The following VPS33B variants were observed in gnomAD, a reference collection of about 807,000 sequenced individuals.
VPS33B encodes vacuolar protein sorting-associated protein 33B.
Under a neutral mutation model 95.3 loss-of-function variants are expected in VPS33B, and 80 were observed. That is an observed-to-expected ratio of 0.84 (90% CI 0.70 to 1.01). The LOEUF is 1.01. Among genes scored for constraint, VPS33B ranks in the 50% least tolerant of loss-of-function variants. The pLI is 0.00. For missense variants in VPS33B, 715 were observed against 773.4 expected, an observed-to-expected ratio of 0.92 and a Z score of 0.90; for synonymous variants, 280 against 280.4, an observed-to-expected ratio of 1.00 and a Z score of 0.01.
chr15:91,006,736 C>G lies in VPS33B; in HGVS notation c.701-7G>C, dbSNP rs1203184694. On this transcript the variant is annotated splice_polypyrimidine_tract_variant and splice_region_variant and intron_variant, in intron 9 of 22. Transcript: ENST00000333371. This position sits in a 1 kb window ranked among gnomAD's most constrained non-coding sequence, Gnocchi z 5.4. ...GCTGTCACAAAGTCCACATCTGAAA[C>G]AGAGATCCCTGACCATGAAGGTTCT... 3 of 1,614,048 alleles carry G rather than the reference C, an allele frequency of 1.9e-6. No individual in the cohort carries two copies. The African/African-American group carries it at 4.0e-5, about 22-fold the overall frequency.
chr15:91,001,911 A>G lies in VPS33B; in HGVS notation c.1405+139T>C. The G allele has an allele frequency of 4.4e-6, 6 of 1,351,700 alleles. 1 individual carries two copies. Among genetic ancestry groups the G allele is most frequent in the South Asian group, 3.7e-5 (3 of 80,620 alleles). The allele number at this position is 1,351,700 out of a possible 1,614,324, so 83.7% of individuals were successfully genotyped here. On this transcript the variant is annotated intron_variant, in intron 18 of 22. Coordinates refer to ENST00000333371, the MANE Select transcript of VPS33B (RefSeq NM_018668.5). ...GGAAACTGCTCTTACTAGCAGAAGT[A>G]GTAGTAATAATAGTAATGACATTAA... is the stretch of plus-strand genomic sequence containing the variant.
rs1361518141 is a variant in VPS33B, at chr15:91,009,685, A to G, written c.403+116T>C. 16 of 1,090,688 alleles carry G rather than the reference A, an allele frequency of 1.5e-5. No homozygotes were observed. The allele number at this position is 1,090,688 out of a possible 1,614,324, so 67.6% of individuals were successfully genotyped here. A position where few individuals can be genotyped will look rare whatever the true frequency, so the allele number is the denominator to read the frequency against. On this transcript the variant is annotated intron_variant, in intron 6 of 22. Transcript: ENST00000333371. This position sits in a 1 kb window ranked among gnomAD's most constrained non-coding sequence, Gnocchi z 4.1. ...TCCTCCTGCTACACTAACAGGAATA[A>G]GACCAGGAAAAGAAGGAGCTGGTGG...
At position 91,010,552 on chromosome 15, in the gene VPS33B, G is replaced by T. The variant is rs1191827598; in HGVS notation, c.358-706C>A. Among the ~76,000 whole-genome samples the T allele has an allele frequency of 6.6e-6, 1 of 152,192 alleles. No individual in the cohort carries two copies. The highest frequency in any genetic ancestry group is 1.5e-5 in the Non-Finnish European group (1 of 68,048). ...GGAGGTCAAGGCTGCACTGAGCTGAGATTGTGCCACTGCACTCCAGCCTGG... is the reference window on the plus strand; with the variant it reads ...GGAGGTCAAGGCTGCACTGAGCTGATATTGTGCCACTGCACTCCAGCCTGG... On this transcript the variant is annotated intron_variant, in intron 5 of 22. Coordinates refer to ENST00000333371, the MANE Select transcript of VPS33B (RefSeq NM_018668.5). This position sits in a 1 kb window ranked among gnomAD's most constrained non-coding sequence, Gnocchi z 5.7.
At position 91,005,121 on chromosome 15, in the gene VPS33B, TGTGA is replaced by T. The variant is rs1284568296; in HGVS notation, c.1106-6_1106-3del. 6 of 1,614,068 alleles carry T rather than the reference TGTGA, an allele frequency of 3.7e-6. No individual in the cohort carries two copies. The African/African-American group carries it at 6.7e-5, about 18-fold the overall frequency. On this transcript the variant is annotated splice_region_variant and splice_polypyrimidine_tract_variant and intron_variant, in intron 14 of 22. Coordinates refer to ENST00000333371, the MANE Select transcript of VPS33B (RefSeq NM_018668.5). The surrounding 1 kb of genome is among the most constrained non-coding windows in gnomAD (Gnocchi z 6.4). ...GGATGTTGAACCCCTCTAGCAGTGC[TGTGA>T]GTAATCAGAGGAGAGCCTGTTACTG...
At position 91,013,027 on chromosome 15, in the gene VPS33B, C is replaced by G. The variant is rs77541728; in HGVS notation, c.357+777G>C. Among the ~76,000 whole-genome samples, 1,579 of 152,166 alleles carry G rather than the reference C, an allele frequency of 0.01. 27 individuals are homozygous for G. The highest frequency in any genetic ancestry group is 0.034 in the African/African-American group (1,418 of 41,476). On this transcript the variant is annotated intron_variant, in intron 5 of 22. Coordinates refer to ENST00000333371, the MANE Select transcript of VPS33B (RefSeq NM_018668.5). The surrounding 1 kb of genome is among the most constrained non-coding windows in gnomAD (Gnocchi z 4.5). ...CCCAGCCACATCCTTATAAGCATAG[C>G]GGATGGGAAGAGGGAGGGTGATGAT...
chr15:91,005,882 C>G lies in VPS33B; in HGVS notation c.939+91G>C. The stretch of plus-strand genomic sequence containing the variant: ...TCCATCCATGAGAAAGGACAGGGAA[C>G]CTGTCATAGTATTAGAAGGGGAGCC... On this transcript the variant is annotated intron_variant, in intron 12 of 22. Transcript: ENST00000333371. This position sits in a 1 kb window ranked among gnomAD's most constrained non-coding sequence, Gnocchi z 6.4. The G allele has an allele frequency of 1.2e-6, 2 of 1,606,350 alleles. No homozygotes were observed. The highest frequency in any genetic ancestry group is 1.7e-6 in the Non-Finnish European group (2 of 1,173,930).
rs1596362182 is a variant in VPS33B, at chr15:91,010,444, A to G, written c.358-598T>C. On this transcript the variant is annotated intron_variant, in intron 5 of 22. Transcript: ENST00000333371. This position sits in a 1 kb window ranked among gnomAD's most constrained non-coding sequence, Gnocchi z 5.7. ...AGTGACACCCCATCTCTACAAAACA[A>G]TGCAAAAATTAGCTGGGCATGGTGG... is the stretch of plus-strand genomic sequence containing the variant. Among the ~76,000 whole-genome samples the G allele has an allele frequency of 6.6e-6, 1 of 152,122 alleles. No individual in the cohort carries two copies. Among genetic ancestry groups the G allele is most frequent in the South Asian group, 2.1e-4 (1 of 4,820 alleles).
chr15:91,005,336 AAGT>A lies in VPS33B; in HGVS notation c.1105+41_1105+43del. The A allele has an allele frequency of 6.2e-7, 1 of 1,614,088 alleles. No individual in the cohort carries two copies. Among genetic ancestry groups the A allele is most frequent in the Non-Finnish European group, 8.5e-7 (1 of 1,180,016 alleles). ...GGTGGGACGGGGCTGGGAGCTGGGGAAGTAGAAGCGTGGGCAGTAGCACAGCAA... is the reference window on the plus strand; with the variant it reads ...GGTGGGACGGGGCTGGGAGCTGGGGAAGAAGCGTGGGCAGTAGCACAGCAA... On this transcript the variant is annotated intron_variant, in intron 14 of 22. Transcript: ENST00000333371. This position sits in a 1 kb window ranked among gnomAD's most constrained non-coding sequence, Gnocchi z 6.4.
At position 91,018,814 on chromosome 15, in the gene VPS33B, G is replaced by C. The variant is rs1240878150; in HGVS notation, c.97-929C>G. Among the ~76,000 whole-genome samples, 8 of 151,990 alleles carry C rather than the reference G, an allele frequency of 5.3e-5. No individual in the cohort carries two copies. The highest frequency in any genetic ancestry group is 1.2e-4 in the Non-Finnish European group (8 of 67,974). On this transcript the variant is annotated intron_variant, in intron 1 of 22. Transcript: ENST00000333371. The surrounding 1 kb of genome is among the most constrained non-coding windows in gnomAD (Gnocchi z 4.7). ...TTTTTTAAATCTTATTTGTTGTTTT[G>C]TTTTGTTTGTTTGTTTTTTGAGATG...
chr15:91,001,050 T>C, intron 19 of VPS33B: 1 of 368,456 alleles, frequency 2.7e-6, no homozygotes, highest in African/African-American at 2.1e-5. Context: ...GCGCAGTGGC[T>C]CATGCCTGTA....
chr15:91,009,679 G>A lies in VPS33B; in HGVS notation c.403+122C>T. On this transcript the variant is annotated intron_variant, in intron 6 of 22. Transcript: ENST00000333371. The surrounding 1 kb of genome is among the most constrained non-coding windows in gnomAD (Gnocchi z 4.1). ...AACCTCTCCTCCTGCTACACTAACA[G>A]GAATAAGACCAGGAAAAGAAGGAGC... is the stretch of plus-strand genomic sequence containing the variant. The A allele has an allele frequency of 9.8e-7, 1 of 1,025,438 alleles. No homozygotes were observed. The highest frequency in any genetic ancestry group is 1.4e-5 in the South Asian group (1 of 71,736). The allele number at this position is 1,025,438 out of a possible 1,614,324, so 63.5% of individuals were successfully genotyped here. A position where few individuals can be genotyped will look rare whatever the true frequency, so the allele number is the denominator to read the frequency against.
intron 1 of VPS33B, among the ~76,000 whole-genome samples, chr15:91,020,163 G>A (rs2041062686): frequency 6.6e-6 from 1 of 152,058 alleles, no homozygotes; most frequent in Non-Finnish European, 1.5e-5. Flanking sequence ...TATAACTTAT[G>A]GTAGGGCTAT....
In VPS33B at chr15:91,017,370, ATATATATATATATATATATATATAT is replaced by A. The variant is rs2040965960; in HGVS notation, c.178-371_178-347del. On this transcript the variant is annotated intron_variant, in intron 2 of 22. Transcript: ENST00000333371. ...AGACTCCATCTCTACAAAATTAAAT[ATATATATATATATATATATATATAT>A]ATATATATATATATATATATATATA... Among the ~76,000 whole-genome samples, 11 of 26,960 alleles carry A rather than the reference ATATATATATATATATATATATATAT, an allele frequency of 4.1e-4. 2 individuals carry two copies. The highest frequency in any genetic ancestry group is 1.5e-3 in the Admixed American group (3 of 2,056). 17.7% of individuals were successfully genotyped at this position (26,960 alleles called of 152,430 possible). A position where few individuals can be genotyped will look rare whatever the true frequency, so the allele number is the denominator to read the frequency against.
In VPS33B at chr15:91,010,678, A is replaced by G. The variant is rs1171908411; in HGVS notation, c.358-832T>C. Among the ~76,000 whole-genome samples the G allele has an allele frequency of 6.6e-6, 1 of 152,184 alleles. No individual in the cohort carries two copies. Among genetic ancestry groups the G allele is most frequent in the African/African-American group, 2.4e-5 (1 of 41,448 alleles). ...AGAGCTAAGGACAGGACTCTAGGGA[A>G]CACAAGATGAAAGGGGGCCAGAGTA... is the stretch of plus-strand genomic sequence containing the variant. On this transcript the variant is annotated intron_variant, in intron 5 of 22. Transcript: ENST00000333371. This position sits in a 1 kb window ranked among gnomAD's most constrained non-coding sequence, Gnocchi z 5.7.
At position 91,022,202 on chromosome 15, in the gene VPS33B, G is replaced by A. The variant is rs1272103813; in HGVS notation, c.48C>T (p.Ser16=). ...RPDAPELPDF[S]MLKRLARDQL... The stretch of plus-strand genomic sequence containing the variant: ...GGTCTCGAGCCAGCCTCTTCAGCAT[G>A]GAGAAGTCAGGCAGCTCAGGGGCGT... Residue 16 remains serine (S), a synonymous_variant, in exon 1 of 23, where the codon TCC becomes TCT. Transcript: ENST00000333371. 2 of 1,587,482 alleles carry A rather than the reference G, an allele frequency of 1.3e-6. No individual in the cohort carries two copies. Among genetic ancestry groups the A allele is most frequent in the East Asian group, 2.3e-5 (1 of 43,728 alleles).
chr15:91,005,310 G>A lies in VPS33B; in HGVS notation c.1105+70C>T. On this transcript the variant is annotated intron_variant, in intron 14 of 22. Coordinates refer to ENST00000333371, the MANE Select transcript of VPS33B (RefSeq NM_018668.5). This position sits in a 1 kb window ranked among gnomAD's most constrained non-coding sequence, Gnocchi z 6.4. ...GAAAGAGCCAGAGAACATCTTTTAA[G>A]GGTGGGACGGGGCTGGGAGCTGGGG... is the stretch of plus-strand genomic sequence containing the variant. The A allele has an allele frequency of 6.2e-7, 1 of 1,613,862 alleles. No homozygotes were observed. Among genetic ancestry groups the A allele is most frequent in the Non-Finnish European group, 8.5e-7 (1 of 1,179,934 alleles).
At chr15:91,022,128 G>T (rs1453070316) in intron 1 of VPS33B, 26 bp downstream of exon 1, 22 of 1,552,896 alleles carry the variant, frequency 1.4e-5, no homozygotes, top group Non-Finnish European at 1.9e-5. Context: ...CTGTAGATGC[G>T]ATAAAGGCGT....
rs747022206 is a variant in VPS33B at position 91,000,031 on chromosome 15, G to T, written c.1582-56C>A. 6.5e-5 allele frequency: 104 copies of T among 1,603,536 alleles called. No individual in the cohort carries two copies. Among genetic ancestry groups the T allele is most frequent in the Non-Finnish European group, 8.4e-5 (98 of 1,172,854 alleles). ...TACAGACAGTATCAGGCTTAGGAAA[G>T]GAAGGGCACAGCAGCCAGACTGTCA... On this transcript the variant is annotated intron_variant, in intron 20 of 22. Coordinates refer to ENST00000333371, the MANE Select transcript of VPS33B (RefSeq NM_018668.5). The surrounding 1 kb of genome is among the most constrained non-coding windows in gnomAD (Gnocchi z 4.9).
chr15:91,001,511 G>A, intron 18 of VPS33B, 49 bp from the exon 19 acceptor site: 1 of 1,477,988 alleles, frequency 6.8e-7, no homozygotes, highest in Non-Finnish European at 9.5e-7. Flanking sequence ...ATGGATTCAT[G>A]ACACTGCCAC....
Sources: gnomAD v4.1 joint callset for allele counts (sites outside exome capture counted in the v4.1 genomes callset) on GRCh38, gnomAD v4.1.1 for gene constraint, Gnocchi (gnomAD v3.1) non-coding constraint, MANE v1.5 for transcripts, NCBI Gene and HGNC (gene_info 2026-07-23, HGNC 2026-07-21) for gene names.